MED12L: variants seen among roughly 807,000 people sequenced by gnomAD.
MED12L encodes the protein mediator complex subunit 12L.
In MED12L, 60 loss-of-function variants were observed where a neutral mutation model predicts 281.3. That is an observed-to-expected ratio of 0.21 (90% CI 0.17 to 0.26). The LOEUF (loss-of-function observed/expected upper bound fraction) is 0.26. Among genes scored for constraint, MED12L ranks in the 10% least tolerant of loss-of-function variants. The pLI, the probability that MED12L is intolerant of heterozygous loss-of-function variation, is 1.00. For synonymous variants in MED12L, 974 were observed against 987.2 expected, an observed-to-expected ratio of 0.99 and a Z score of 0.25; for missense variants, 2,146 against 2,680.9, an observed-to-expected ratio of 0.80 and a Z score of 4.41.
intron 42 of MED12L, among the ~76,000 whole-genome samples, chr3:151,413,796 A>C (rs1277688646): frequency 6.6e-6 from 1 of 152,186 alleles, no homozygotes; most frequent in Non-Finnish European, 1.5e-5. Flanking sequence ...TGTCTTTGTT[A>C]GAATCCAGAG....
chr3:151,294,724 C>G, intron 16 of MED12L: 1 of 1,614,142 alleles, frequency 6.2e-7, no homozygotes, highest in African/African-American at 1.3e-5. Flanking sequence ...TGATGTTTGG[C>G]AAAGACAAAA....
intron 2 of MED12L, among the ~76,000 whole-genome samples, chr3:151,105,030 A>G (rs1463307441): frequency 6.6e-6 from 1 of 152,100 alleles, no homozygotes; most frequent in African/African-American, 2.4e-5. Flanking sequence ...AGGGGTTAGG[A>G]CTTTGATATA....
chr3:151,273,227 CTTTTTTTTTTTT>C (rs63035061), intron 16 of MED12L, among the ~76,000 whole-genome samples: 1 of 106,170 alleles, frequency 9.4e-6, no homozygotes, highest in East Asian at 2.7e-4. Context: ...TTGTTGTGTT[CTTTTTTTTTTTT>C]TTTTTTTTTG....
At chr3:151,293,230 T>C (rs1019418500) in intron 16 of MED12L, among the ~76,000 whole-genome samples, 1 of 152,236 alleles carries the variant, frequency 6.6e-6, no homozygotes, top group Non-Finnish European at 1.5e-5. Context: ...TCATTTTTGC[T>C]CATTTGAGCT....
intron 16 of MED12L, among the ~76,000 whole-genome samples, chr3:151,342,282 C>T (rs549749932): frequency 6.6e-6 from 1 of 152,214 alleles, no homozygotes; most frequent in South Asian, 2.1e-4. Flanking sequence ...CAGAAACACA[C>T]CTCCCTGGTG....
chr3:151,116,884 C>T (rs555451097), intron 3 of MED12L, among the ~76,000 whole-genome samples: 9 of 152,264 alleles, frequency 5.9e-5, no homozygotes, highest in East Asian at 1.9e-4. Flanking sequence ...ATAGTTTGAT[C>T]GCTTGGTCCG....
At chr3:151,402,778 A>T (rs986941808) in intron 39 of MED12L, among the ~76,000 whole-genome samples, 1 of 152,224 alleles carries the variant, frequency 6.6e-6, no homozygotes, top group East Asian at 1.9e-4. Context: ...GAATTAATAA[A>T]ACCCTTATAG....
intron 16 of MED12L, chr3:151,214,164 G>A (rs1267460928): frequency 1.9e-6 from 3 of 1,614,070 alleles, no homozygotes; most frequent in Non-Finnish European, 2.5e-6. Flanking sequence ...TCTTAGAGCT[G>A]GGCACGTAAA....
rs1719845346 is a variant in MED12L, at chr3:151,434,260, ATTTTC to A, written c.*1461_*1465del. The A allele has an allele frequency of 6.6e-6, 1 of 152,134 alleles. No individual in the cohort carries two copies. The highest frequency in any genetic ancestry group is 1.5e-5 in the Non-Finnish European group (1 of 68,020). 9.4% of individuals were successfully genotyped at this position (152,134 alleles called of 1,614,324 possible). A position where few individuals can be genotyped will look rare whatever the true frequency, so the allele number is the denominator to read the frequency against. On this transcript the variant is annotated 3_prime_UTR_variant, in exon 45 of 45. Coordinates refer to ENST00000687756, the MANE Select transcript of MED12L (RefSeq NM_001393769.1). Reference sequence around the variant, plus strand: ...TGTAGCTAGTACAACTTTAGTAGACATTTTCTTTTGCAAATCATTATCTATAAATA... The same window carrying A: ...TGTAGCTAGTACAACTTTAGTAGACATTTTGCAAATCATTATCTATAAATA...
At chr3:151,177,026 T>A (rs1722136752) in intron 11 of MED12L, among the ~76,000 whole-genome samples, 1 of 152,244 alleles carries the variant, frequency 6.6e-6, no homozygotes, top group Non-Finnish European at 1.5e-5. Context: ...TAGCATGTGT[T>A]AGAGGCAGAA....
At chr3:151,280,275 C>T (rs1742602545) in intron 16 of MED12L, among the ~76,000 whole-genome samples, 1 of 152,194 alleles carries the variant, frequency 6.6e-6, no homozygotes, top group East Asian at 1.9e-4. Context: ...AGTCATGGGC[C>T]TCATCTTGGG....
At chr3:151,338,369 G>T (rs764709900) in intron 16 of MED12L, 1 of 1,614,134 alleles carries the variant, frequency 6.2e-7, no homozygotes, top group South Asian at 1.1e-5. Flanking sequence ...TCAGAATCAT[G>T]TTAGGCAAAG....
intron 16 of MED12L, among the ~76,000 whole-genome samples, chr3:151,342,922 G>T (rs529099606): frequency 6.6e-6 from 1 of 152,114 alleles, no homozygotes; most frequent in African/African-American, 2.4e-5. Flanking sequence ...TGAAGTACGC[G>T]TATCATCCTC....
intron 5 of MED12L, among the ~76,000 whole-genome samples, chr3:151,131,650 G>T (rs1446401160): frequency 6.6e-6 from 1 of 152,044 alleles, no homozygotes; most frequent in Non-Finnish European, 1.5e-5. Context: ...CAGTTTGATA[G>T]ATCTTGATAA....
chr3:151,144,656 G>C (rs1717524543), intron 5 of MED12L, among the ~76,000 whole-genome samples: 1 of 152,142 alleles, frequency 6.6e-6, no homozygotes, highest in South Asian at 2.1e-4. Context: ...GTCTTTCCTG[G>C]GGTACTGCCC....
intron 25 of MED12L, 76 bp from the exon 26 acceptor site, chr3:151,369,360 G>A: frequency 9.9e-7 from 1 of 1,005,672 alleles, no homozygotes; most frequent in Non-Finnish European, 1.5e-6. Flanking sequence ...ACAATGAAAG[G>A]CTGACTGCCT....
At chr3:151,118,272 C>G (rs13075645) in intron 3 of MED12L, among the ~76,000 whole-genome samples, 7,712 of 152,104 alleles carry the variant, frequency 0.051, 277 homozygotes, top group Middle Eastern at 0.088. Context: ...TTTCCCTTCT[C>G]CAGAGAAACA....
chr3:151,236,448 T>G (rs979159860), intron 16 of MED12L, among the ~76,000 whole-genome samples: 2 of 152,200 alleles, frequency 1.3e-5, no homozygotes, highest in Non-Finnish European at 2.9e-5. Flanking sequence ...TTTTACAGAT[T>G]TATTTTGTTA....
intron 5 of MED12L, among the ~76,000 whole-genome samples, chr3:151,137,298 A>G (rs1423832750): frequency 6.6e-6 from 1 of 152,178 alleles, no homozygotes; most frequent in African/African-American, 2.4e-5. Flanking sequence ...AATTGCCCCA[A>G]AATTGGCCAG....
Sources: gnomAD v4.1 joint callset for allele counts (sites outside exome capture counted in the v4.1 genomes callset) on GRCh38, gnomAD v4.1.1 for gene constraint, MANE v1.5 for transcripts, NCBI Gene and HGNC (gene_info 2026-07-23, HGNC 2026-07-21) for gene names.